Variants in BET1 observed in about 807,000 individuals in gnomAD.
BET1 encodes the protein Bet1 golgi vesicular membrane trafficking protein.
Under a neutral mutation model 13.9 loss-of-function variants are expected in BET1, and 9 were observed. The observed-to-expected ratio is 0.65, with a 90% CI of 0.39 to 1.13. The LOEUF is 1.13. Among genes scored for constraint, BET1 ranks in the 50% most tolerant of loss-of-function variants. The pLI, the probability that BET1 is intolerant of heterozygous loss-of-function variation, is 0.01. For missense variants in BET1, 127 were observed against 133.6 expected (o/e 0.95, Z 0.24); for synonymous variants, 39 against 47.3 (o/e 0.82, Z 0.72).
intron 6 of BET1, among the ~76,000 whole-genome samples, chr7:93,967,909 A>G (rs1795200400): frequency 6.6e-6 from 1 of 151,830 alleles, no homozygotes; most frequent in South Asian, 2.1e-4. Context: ...GAAACAACCA[A>G]ATTTACTTCT....
chr7:94,004,248 C>A lies in BET1; in HGVS notation c.-32G>T, dbSNP rs746557898. Reference sequence around the variant, plus strand: ...AGAGGAGAGAGAGAAAAGGCGGGTGCGGGGCTTTGGGTGAGTAGGAAACAG... The same window carrying A: ...AGAGGAGAGAGAGAAAAGGCGGGTGAGGGGCTTTGGGTGAGTAGGAAACAG... On this transcript the variant is annotated 5_prime_UTR_variant, in exon 1 of 4. Coordinates refer to ENST00000222547, the MANE Select transcript of BET1 (RefSeq NM_005868.6). 6.2e-7 allele frequency: 1 copy of A among 1,614,006 alleles called. No individual in the cohort carries two copies. Among genetic ancestry groups the A allele is most frequent in the Non-Finnish European group, 8.5e-7 (1 of 1,179,982 alleles).
intron 5 of BET1, among the ~76,000 whole-genome samples, chr7:93,975,213 T>A (rs1041449878): frequency 2.3e-4 from 35 of 152,200 alleles, no homozygotes; most frequent in African/African-American, 8.4e-4. Context: ...TTGGTGAAAT[T>A]TGAAAAATGT....
At chr7:93,982,910 G>A (rs1275768786) in intron 4 of BET1, among the ~76,000 whole-genome samples, 1 of 152,150 alleles carries the variant, frequency 6.6e-6, no homozygotes, top group Non-Finnish European at 1.5e-5. Flanking sequence ...TGAGAAAAGA[G>A]TATGTACATT....
At chr7:93,981,189 G>C (rs1313647157) in intron 4 of BET1, among the ~76,000 whole-genome samples, 1 of 152,100 alleles carries the variant, frequency 6.6e-6, no homozygotes, top group Non-Finnish European at 1.5e-5. Flanking sequence ...TCTCCTAACT[G>C]CTTTTCACAG....
intron 4 of BET1, among the ~76,000 whole-genome samples, chr7:93,979,019 C>T (rs530661276): frequency 2.0e-5 from 3 of 152,278 alleles, no homozygotes; most frequent in African/African-American, 7.2e-5. Flanking sequence ...GGATGCCACA[C>T]CTATCCCTGC....
At chr7:93,968,794 C>A (rs1795215309) in intron 6 of BET1, among the ~76,000 whole-genome samples, 1 of 151,774 alleles carries the variant, frequency 6.6e-6, no homozygotes, top group Admixed American at 6.6e-5. Flanking sequence ...GGTATATACA[C>A]TTATACACAC....
chr7:93,993,926 C>A lies in BET1; in HGVS notation c.*304G>T. 3 of 1,534,916 alleles carry A rather than the reference C, an allele frequency of 2.0e-6. No individual in the cohort carries two copies. Among genetic ancestry groups the A allele is most frequent in the Non-Finnish European group, 2.6e-6 (3 of 1,146,466 alleles). ...GGACATAAACCTGCATTTATGATTA[C>A]AACAAAATATTATAATGCTATTTAA... On this transcript the variant is annotated 3_prime_UTR_variant, in exon 4 of 4. Coordinates refer to ENST00000222547, the MANE Select transcript of BET1 (RefSeq NM_005868.6).
chr7:93,964,674 C>T (rs1002331953), exon 7 of BET1: 1 of 152,040 alleles, frequency 6.6e-6, no homozygotes, highest in African/African-American at 2.4e-5. Flanking sequence ...ACAGACACTT[C>T]TCCAAAGAAG....
exon 7 of BET1, chr7:93,965,667 AGG>A (rs1362274457): frequency 1.3e-5 from 2 of 152,094 alleles, no homozygotes; most frequent in Non-Finnish European, 2.9e-5. Flanking sequence ...TTGCCCAACT[AGG>A]AGTTCTCTGC....
At chr7:93,980,779 G>A (rs1795414074) in intron 4 of BET1, among the ~76,000 whole-genome samples, 2 of 152,084 alleles carry the variant, frequency 1.3e-5, no homozygotes, top group African/African-American at 4.8e-5. Context: ...ATCAGGCAAG[G>A]AAAAATTTTT....
At chr7:93,990,318 A>C (rs926193120), downstream of BET1, among the ~76,000 whole-genome samples, 6 of 152,076 alleles carry the variant, frequency 3.9e-5, no homozygotes, top group Admixed American at 2.6e-4. Flanking sequence ...TAAAAGCTTA[A>C]TAAATTACCA....
chr7:93,968,945 A>G (rs1194018479), intron 6 of BET1, among the ~76,000 whole-genome samples: 3 of 151,856 alleles, frequency 2.0e-5, no homozygotes, highest in Non-Finnish European at 4.4e-5. Flanking sequence ...TATGAATTTG[A>G]CCATCTTTTC....
At position 93,993,755 on chromosome 7, in the gene BET1, A is replaced by G; in HGVS notation, c.*475T>C. 2 of 1,356,008 alleles carry G rather than the reference A, an allele frequency of 1.5e-6. No homozygotes were observed. Among genetic ancestry groups the G allele is most frequent in the Non-Finnish European group, 1.9e-6 (2 of 1,060,686 alleles). 84.0% of individuals were successfully genotyped at this position (1,356,008 alleles called of 1,614,324 possible). A position where few individuals can be genotyped will look rare whatever the true frequency, so the allele number is the denominator to read the frequency against. On this transcript the variant is annotated 3_prime_UTR_variant, in exon 4 of 4. Transcript: ENST00000222547. Reference sequence around the variant, plus strand: ...ATCAGCCTACAATTTTAACTAAATAAAGGAGGAGAAGGGAGTATATCATTA... The same window carrying G: ...ATCAGCCTACAATTTTAACTAAATAGAGGAGGAGAAGGGAGTATATCATTA...
chr7:93,980,434 C>T (rs1795407277), intron 4 of BET1, among the ~76,000 whole-genome samples: 1 of 152,126 alleles, frequency 6.6e-6, no homozygotes, highest in Non-Finnish European at 1.5e-5. Context: ...AAGAACCATA[C>T]ACCAGGATCA....
intron 6 of BET1, among the ~76,000 whole-genome samples, chr7:93,970,046 G>T (rs1256070934): frequency 6.6e-6 from 1 of 151,640 alleles, no homozygotes; most frequent in Non-Finnish European, 1.5e-5. Context: ...TTTAGTCAGT[G>T]GCTCTTTGTA....
intron 5 of BET1, among the ~76,000 whole-genome samples, chr7:93,974,010 G>A (rs1795299484): frequency 6.6e-6 from 1 of 151,878 alleles, no homozygotes; most frequent in African/African-American, 2.4e-5. Context: ...AATGGGTACA[G>A]ATTCATATTT....
chr7:93,996,380 G>T (rs1010409265), intron 2 of BET1, 59 bp from the exon 3 acceptor site: 7 of 1,246,078 alleles, frequency 5.6e-6, no homozygotes, highest in Non-Finnish European at 6.7e-6. Context: ...GTGTTATAAA[G>T]TAAAAATAAT....
At chr7:93,973,291 C>A (rs1795287314) in intron 5 of BET1, among the ~76,000 whole-genome samples, 1 of 151,884 alleles carries the variant, frequency 6.6e-6, no homozygotes, top group African/African-American at 2.4e-5. Context: ...AAAAGCCTGG[C>A]ATTTTAGATC....
At chr7:93,991,191 G>A (rs1795626659), downstream of BET1, among the ~76,000 whole-genome samples, 1 of 152,068 alleles carries the variant, frequency 6.6e-6, no homozygotes, top group South Asian at 2.1e-4. Context: ...ACCAGAAGAT[G>A]GAAGGTTAAT....
Sources: allele counts gnomAD v4.1 joint callset (sites outside exome capture counted in the v4.1 genomes callset), GRCh38; gene constraint gnomAD v4.1.1; transcripts MANE v1.5; gene names NCBI Gene and HGNC (gene_info 2026-07-23, HGNC 2026-07-21).